Variants in PTCD1 observed in about 807,000 individuals in gnomAD.
PTCD1 encodes the protein pentatricopeptide repeat-containing protein 1, mitochondrial.
A neutral mutation model predicts 53.4 loss-of-function variants in PTCD1; 50 were observed. The ratio of observed to expected loss-of-function variants is 0.94; its 90% CI spans 0.75 to 1.19. The LOEUF (loss-of-function observed/expected upper bound fraction) is 1.19. Among genes scored for constraint, PTCD1 ranks in the 50% most tolerant of loss-of-function variants. The probability of loss-of-function intolerance (pLI) is 0.00; values close to 1 mark genes in which losing one functional copy is unlikely to be tolerated. For missense variants in PTCD1, 918 were observed against 904.8 expected (o/e 1.01, Z -0.19); for synonymous variants, 413 against 394.8 (o/e 1.05, Z -0.55).
Position 99,417,829 on chromosome 7 carries a change from C to T in PTCD1, c.*2138G>A. On this transcript the variant is annotated 3_prime_UTR_variant, in exon 8 of 8. Transcript: ENST00000292478. ...CTCAACTCCACTTTTGGGCAAATTA[C>T]TGAACCCCTTTCCTCACTTAGGAAA... The T allele has an allele frequency of 6.8e-7, 1 of 1,481,020 alleles. No homozygotes were observed. Among genetic ancestry groups the T allele is most frequent in the Non-Finnish European group, 8.9e-7 (1 of 1,118,064 alleles). 91.7% of individuals were successfully genotyped at this position (1,481,020 alleles called of 1,614,324 possible).
rs1268447644 is a variant in PTCD1 at position 99,417,525 on chromosome 7, G to A, written c.*2442C>T. 2 of 1,611,874 alleles carry A rather than the reference G, an allele frequency of 1.2e-6. No individual in the cohort carries two copies. The highest frequency in any genetic ancestry group is 1.1e-5 in the South Asian group (1 of 90,972). On this transcript the variant is annotated 3_prime_UTR_variant, in exon 8 of 8. Coordinates refer to ENST00000292478, the MANE Select transcript of PTCD1 (RefSeq NM_015545.4). ...TATGAGAACTTGTGCTGCCTGCGGTGCATTCAGACACGGGACACCAACTTC... is the reference window on the plus strand; with the variant it reads ...TATGAGAACTTGTGCTGCCTGCGGTACATTCAGACACGGGACACCAACTTC...
At chr7:99,421,761 A>G (rs1331796705) in intron 7 of PTCD1, among the ~76,000 whole-genome samples, 1 of 152,122 alleles carries the variant, frequency 6.6e-6, no homozygotes, top group Non-Finnish European at 1.5e-5. Flanking sequence ...TCTCATAAAA[A>G]ACAAAAGGAA....
intron 6 of PTCD1, among the ~76,000 whole-genome samples, 167 bp downstream of exon 6, chr7:99,424,628 C>T (rs976119565): frequency 3.9e-5 from 6 of 152,188 alleles, no homozygotes; most frequent in African/African-American, 1.4e-4. Flanking sequence ...GTCTGCTTCC[C>T]CCAAAATGGG....
chr7:99,420,147 G>A lies in PTCD1; in HGVS notation c.1923C>T (p.Tyr641=). ...AAQYPPTFDR[Y]QGKNTYLEKI... ...TCTCCAGGTAGGTGTTCTTCCCTTG[G>A]TACTAGAATTAGAAAAGTGAGGCTA... Residue 641 remains tyrosine, a splice_region_variant and synonymous_variant, in exon 8 of 8, where the codon TAC becomes TAT. Transcript: ENST00000292478. 1 of 1,614,144 alleles carries A rather than the reference G, an allele frequency of 6.2e-7. No individual in the cohort carries two copies. Among genetic ancestry groups the A allele is most frequent in the Non-Finnish European group, 8.5e-7 (1 of 1,180,030 alleles).
chr7:99,417,913 C>T lies in PTCD1; in HGVS notation c.*2054G>A, dbSNP rs1215989244. 2.3e-6 allele frequency: 3 copies of T among 1,304,384 alleles called. No individual in the cohort carries two copies. Among genetic ancestry groups the T allele is most frequent in the Non-Finnish European group, 9.8e-7 (1 of 1,016,830 alleles). 80.8% of individuals were successfully genotyped at this position (1,304,384 alleles called of 1,614,324 possible). ...CAGGGTGACATCAGGGAAGGACAACCAGTGAGTTCCTGTCCCTTTCAGTCC... is the reference window on the plus strand; with the variant it reads ...CAGGGTGACATCAGGGAAGGACAACTAGTGAGTTCCTGTCCCTTTCAGTCC... On this transcript the variant is annotated 3_prime_UTR_variant, in exon 8 of 8. Transcript: ENST00000292478.
At chr7:99,420,321 C>T (rs1442889215) in intron 7 of PTCD1, among the ~76,000 whole-genome samples, 172 bp from the exon 8 acceptor site, 2 of 152,216 alleles carry the variant, frequency 1.3e-5, no homozygotes, top group Non-Finnish European at 2.9e-5. Flanking sequence ...TAGCTTACTT[C>T]AGAGAAACAG....
chr7:99,435,945 A>T (rs151336377), intron 1 of PTCD1, among the ~76,000 whole-genome samples: 14,234 of 150,580 alleles, frequency 0.095, 1,142 homozygotes, highest in African/African-American at 0.21. Flanking sequence ...AAAAAAAAAA[A>T]AATAATAATA....
chr7:99,423,844 C>A lies in PTCD1; in HGVS notation c.1851G>T (p.Arg617Ser), dbSNP rs1273853172. 1 of 1,614,162 alleles carries A rather than the reference C, an allele frequency of 6.2e-7. No individual in the cohort carries two copies. Among genetic ancestry groups the A allele is most frequent in the Non-Finnish European group, 8.5e-7 (1 of 1,180,022 alleles). Residue 617 changes from arginine to serine, a missense_variant, in exon 7 of 8, where the codon AGG (arginine) becomes AGT (serine). Transcript: ENST00000292478. ...ISILKDMKQN[R>S]VPVNEVVIRQ... ...GGATGACCACTTCGTTCACCGGGAC[C>A]CTGTTCTGCTTCATGTCCTTCAAGA...
At position 99,423,925 on chromosome 7, in the gene PTCD1, G is replaced by A. The variant is rs372124743; in HGVS notation, c.1770C>T (p.Tyr590=). Residue 590 remains tyrosine (Y), a synonymous_variant, in exon 7 of 8, where the codon TAC becomes TAT. Transcript: ENST00000292478. Reference sequence around the variant, plus strand: ...TGATGGCCGCGTTGATGAGGGCACTGTAGATGTGAGTGTTGGGGGTCACCT... The same window carrying A: ...TGATGGCCGCGTTGATGAGGGCACTATAGATGTGAGTGTTGGGGGTCACCT... The part of the protein sequence containing the change: ...KSQVTPNTHI[Y]SALINAAIRK... 1.2e-5 allele frequency: 20 copies of A among 1,614,052 alleles called. No homozygotes were observed. The highest frequency in any genetic ancestry group is 2.7e-5 in the African/African-American group (2 of 74,918).
intron 1 of PTCD1, 40 bp downstream of exon 1, chr7:99,438,652 C>T (rs1018622737): frequency 4.8e-6 from 6 of 1,238,216 alleles, no homozygotes; most frequent in Admixed American, 3.0e-5. Context: ...TGTCTTGGCC[C>T]GGGTCCCGGG....
Position 99,417,746 on chromosome 7 carries a change from A to G in PTCD1, c.*2221T>C, listed in dbSNP as rs1001435506. ...CTCCCTCGTGGGAGTGGGTCCCTGT[A>G]TTCAGGAATCCATGTGAGGCAGCGT... On this transcript the variant is annotated 3_prime_UTR_variant, in exon 8 of 8. Transcript: ENST00000292478. 8 of 1,534,998 alleles carry G rather than the reference A, an allele frequency of 5.2e-6. No homozygotes were observed. Among genetic ancestry groups the G allele is most frequent in the Non-Finnish European group, 7.0e-6 (8 of 1,146,260 alleles).
chr7:99,423,330 G>A (rs976836827), intron 7 of PTCD1, among the ~76,000 whole-genome samples: 14 of 152,108 alleles, frequency 9.2e-5, no homozygotes, highest in African/African-American at 3.1e-4. Flanking sequence ...CTGCCCATGA[G>A]CACATGATCC....
intron 3 of PTCD1, among the ~76,000 whole-genome samples, chr7:99,431,333 T>C (rs1796241762): frequency 6.6e-6 from 1 of 151,940 alleles, no homozygotes. Flanking sequence ...TTTCACCATG[T>C]TGGCCAGGAT....
At chr7:99,422,596 AT>A (rs1173104365) in intron 7 of PTCD1, among the ~76,000 whole-genome samples, 1 of 152,218 alleles carries the variant, frequency 6.6e-6, no homozygotes, top group Non-Finnish European at 1.5e-5. Flanking sequence ...CCCCCAAATA[AT>A]TTCTTTTCTA....
intron 2 of PTCD1, among the ~76,000 whole-genome samples, chr7:99,434,064 AAAAC>A (rs1352589064): frequency 7.4e-6 from 1 of 134,660 alleles, no homozygotes; most frequent in African/African-American, 2.8e-5. Context: ...AAAAAAAAAA[AAAAC>A]AAAAAAACAA....
At chr7:99,437,588 C>A (rs6955891) in intron 1 of PTCD1, among the ~76,000 whole-genome samples, 18,227 of 152,204 alleles carry the variant, frequency 0.12, 1,376 homozygotes, top group African/African-American at 0.21. Flanking sequence ...CAGCCGTGAG[C>A]CACCGCGCCC....
chr7:99,426,611 T>G lies in PTCD1; in HGVS notation c.916-995A>C, dbSNP rs550338749. Among the ~76,000 whole-genome samples, 6 of 151,730 alleles carry G rather than the reference T, an allele frequency of 4.0e-5. No homozygotes were observed. In the South Asian group the frequency reaches 1.0e-3, roughly 26 times the overall value. ...GACGGCCGCCACCCCGTCTGGGAAG[T>G]GAGGAGCGTCTCTGCCTGGCCGCCC... On this transcript the variant is annotated intron_variant, in intron 5 of 7. Coordinates refer to ENST00000292478, the MANE Select transcript of PTCD1 (RefSeq NM_015545.4).
chr7:99,434,792 T>TC lies in PTCD1; in HGVS notation c.450dup (p.Lys151GlufsTer4), dbSNP rs1381739491. On this transcript the variant is annotated frameshift_variant, in exon 2 of 8. Transcript: ENST00000292478. LOFTEE classifies it high-confidence loss of function. ...ACAGAACCCAAAGTGCCCCTTACCT[T>TC]CCCTTCCTTGATCAGGTGTTTGCAC... The TC allele has an allele frequency of 6.2e-7, 1 of 1,613,834 alleles. No homozygotes were observed. The highest frequency in any genetic ancestry group is 8.5e-7 in the Non-Finnish European group (1 of 1,180,002).
intron 3 of PTCD1, among the ~76,000 whole-genome samples, chr7:99,431,459 G>A (rs1236271873): frequency 4.6e-5 from 7 of 152,130 alleles, no homozygotes; most frequent in African/African-American, 1.7e-4. Context: ...TAGATGTAAT[G>A]GGCTGGGTGC....
Sources: gnomAD v4.1 joint callset for allele counts (sites outside exome capture counted in the v4.1 genomes callset) on GRCh38, gnomAD v4.1.1 for gene constraint, MANE v1.5 for transcripts, NCBI Gene and HGNC (gene_info 2026-07-23, HGNC 2026-07-21) for gene names.